Variants in RNASEH1 observed in about 807,000 individuals in gnomAD.
RNASEH1 encodes the protein ribonuclease H type II.
A neutral mutation model predicts 34.6 loss-of-function variants in RNASEH1; 27 were observed. The ratio of observed to expected loss-of-function variants is 0.78; its 90% confidence interval spans 0.58 to 1.08. RNASEH1 has a LOEUF of 1.08. Ranked by LOEUF, RNASEH1 falls within the 50% of genes least tolerant of loss-of-function variation. The probability of loss-of-function intolerance (pLI) is 0.00; values close to 1 mark genes in which losing one functional copy is unlikely to be tolerated. For missense variants in RNASEH1, 349 were observed against 373.6 expected (o/e 0.93, Z 0.54); for synonymous variants, 162 against 138.4 (o/e 1.17, Z -1.20).
the RNASEH1 span, among the ~76,000 whole-genome samples, chr2:3,532,599 G>A: frequency 6.6e-6 from 1 of 152,140 alleles, no homozygotes; most frequent in Non-Finnish European, 1.5e-5. Flanking sequence ...TCACTGCTCT[G>A]AATCCTGCAG....
intron 7 of RNASEH1, among the ~76,000 whole-genome samples, chr2:3,546,456 T>C (rs370843734): frequency 5.9e-5 from 9 of 152,236 alleles, no homozygotes; most frequent in African/African-American, 1.9e-4. Context: ...AAAAGTTCTA[T>C]TACCAAGGCT....
At position 3,545,754 on chromosome 2, in the gene RNASEH1, C is replaced by CA. The variant is rs770153053; in HGVS notation, c.*30dup. ...ACAGGCAGCAAGACAGCCGCTGGCTCAAGTTCTCCCAAGGACTAAAGTCAC... is the reference window on the plus strand; with the variant it reads ...ACAGGCAGCAAGACAGCCGCTGGCTCAAAGTTCTCCCAAGGACTAAAGTCAC... On this transcript the variant is annotated 3_prime_UTR_variant, in exon 8 of 8. Coordinates refer to ENST00000315212, the MANE Select transcript of RNASEH1 (RefSeq NM_002936.6). The CA allele has an allele frequency of 5.5e-5, 84 of 1,516,990 alleles. No individual in the cohort carries two copies. Among genetic ancestry groups the CA allele is most frequent in the Non-Finnish European group, 7.6e-5 (83 of 1,091,360 alleles). 94.0% of individuals were successfully genotyped at this position (1,516,990 alleles called of 1,614,324 possible). A position where few individuals can be genotyped will look rare whatever the true frequency, so the allele number is the denominator to read the frequency against.
chr2:3,554,589 T>C (rs1363293590), intron 2 of RNASEH1, among the ~76,000 whole-genome samples: 1 of 152,256 alleles, frequency 6.6e-6, no homozygotes, highest in Non-Finnish European at 1.5e-5. Context: ...TCTCAATTTA[T>C]AGACGTAAGT....
At chr2:3,552,103 T>C in intron 3 of RNASEH1, 41 bp downstream of exon 3, 1 of 1,556,840 alleles carries the variant, frequency 6.4e-7, no homozygotes, top group Non-Finnish European at 8.7e-7. Context: ...AACATTTTCC[T>C]GACTGTGGTA....
downstream of RNASEH1, among the ~76,000 whole-genome samples, chr2:3,539,135 T>C (rs1031779152): frequency 3.9e-5 from 6 of 152,246 alleles, no homozygotes; most frequent in African/African-American, 1.2e-4. Context: ...TTTTTGCTTA[T>C]GGCTCTTCAA....
chr2:3,543,378 G>A lies in RNASEH1; in HGVS notation c.*2407C>T, dbSNP rs533080553. ...AAGTTTTTCTTTTAAGACAGGTTTG[G>A]AGCAGAAGCTCTATAAATTGGGCCT... On this transcript the variant is annotated 3_prime_UTR_variant, in exon 8 of 8. Coordinates refer to ENST00000315212, the MANE Select transcript of RNASEH1 (RefSeq NM_002936.6). Among the ~76,000 whole-genome samples the A allele has an allele frequency of 6.6e-4, 101 of 152,252 alleles. No individual in the cohort carries two copies. Among genetic ancestry groups the A allele is most frequent in the African/African-American group, 2.3e-3 (96 of 41,546 alleles).
chr2:3,552,492 C>T (rs1398835599), intron 2 of RNASEH1, among the ~76,000 whole-genome samples, 184 bp from the exon 3 acceptor site: 1 of 141,282 alleles, frequency 7.1e-6, no homozygotes, highest in Non-Finnish European at 1.5e-5. Flanking sequence ...ACCCCCTCCA[C>T]GCCATCTCCA....
At chr2:3,554,140 G>GC (rs1285078008) in intron 2 of RNASEH1, among the ~76,000 whole-genome samples, 3 of 152,194 alleles carry the variant, frequency 2.0e-5, no homozygotes, top group Non-Finnish European at 4.4e-5. Context: ...AGGGCGCCGG[G>GC]CAACACTTGA....
At chr2:3,534,326 G>T in the RNASEH1 span, 2 of 151,886 alleles carry the variant, frequency 1.3e-5, no homozygotes, top group African/African-American at 4.9e-5. Flanking sequence ...AGCAGTGGAG[G>T]AGAAGAAACT....
At chr2:3,532,855 G>T in the RNASEH1 span, among the ~76,000 whole-genome samples, 14 of 152,282 alleles carry the variant, frequency 9.2e-5, no homozygotes, top group African/African-American at 3.1e-4. Context: ...TTTTCTAGCC[G>T]TACCCTGACA....
chr2:3,532,037 A>G, the RNASEH1 span: 1 of 561,322 alleles, frequency 1.8e-6, no homozygotes, highest in Non-Finnish European at 3.2e-6. Flanking sequence ...GCAAGAAGAC[A>G]AGACAGCAAG....
At chr2:3,548,787 C>T in intron 5 of RNASEH1, 63 bp from the exon 6 acceptor site, 1 of 1,216,474 alleles carries the variant, frequency 8.2e-7, no homozygotes, top group Non-Finnish European at 1.2e-6. Flanking sequence ...TACTAAAGTT[C>T]AAAAGTACTT....
chr2:3,542,839 T>A lies in RNASEH1; in HGVS notation c.*2946A>T, dbSNP rs1204994056. Among the ~76,000 whole-genome samples the A allele has an allele frequency of 2.0e-5, 3 of 152,182 alleles. No homozygotes were observed. Among genetic ancestry groups the A allele is most frequent in the Non-Finnish European group, 2.9e-5 (2 of 68,032 alleles). The stretch of plus-strand genomic sequence containing the variant: ...TGAATTTGTATTGGGAATATCAATA[T>A]AGGCTCAGAAAATATTCTTCCTTTA... On this transcript the variant is annotated 3_prime_UTR_variant, in exon 8 of 8. Transcript: ENST00000315212.
rs1293658634 is a variant in RNASEH1, at chr2:3,545,732, GGCA to G, written c.*50_*52del. The G allele has an allele frequency of 2.4e-6, 3 of 1,236,446 alleles. No homozygotes were observed. The highest frequency in any genetic ancestry group is 3.6e-6 in the Non-Finnish European group (3 of 835,328). 76.6% of individuals were successfully genotyped at this position (1,236,446 alleles called of 1,614,324 possible). On this transcript the variant is annotated 3_prime_UTR_variant, in exon 8 of 8. Transcript: ENST00000315212. The stretch of plus-strand genomic sequence containing the variant: ...GCTATTTTCCACACCAGTAAGTACA[GGCA>G]GCAAGACAGCCGCTGGCTCAAGTTC...
At chr2:3,535,008 T>C in the RNASEH1 span, among the ~76,000 whole-genome samples, 1 of 152,206 alleles carries the variant, frequency 6.6e-6, no homozygotes, top group Non-Finnish European at 1.5e-5. Flanking sequence ...GGGGAGTCCG[T>C]GTCCAACACG....
intron 3 of RNASEH1, 76 bp from the exon 4 acceptor site, chr2:3,550,548 C>T (rs971044566): frequency 1.4e-5 from 15 of 1,097,164 alleles, no homozygotes; most frequent in Admixed American, 3.4e-5. Context: ...TCCACTAGGT[C>T]GACTTAGCAT....
downstream of RNASEH1, among the ~76,000 whole-genome samples, chr2:3,537,369 C>T (rs148765193): frequency 1.1e-3 from 167 of 152,258 alleles, no homozygotes; most frequent in African/African-American, 3.6e-3. Context: ...GCAGACCTTT[C>T]GAATATTTTT....
chr2:3,545,024 C>T lies in RNASEH1; in HGVS notation c.*761G>A, dbSNP rs1370005451. On this transcript the variant is annotated 3_prime_UTR_variant, in exon 8 of 8. Coordinates refer to ENST00000315212, the MANE Select transcript of RNASEH1 (RefSeq NM_002936.6). ...TCCTGACCTCAAGTGATCTGCCCGC[C>T]TTGGCCTCCCAAAGTGCTAGGATTA... 1 of 151,268 alleles carries T rather than the reference C, an allele frequency of 6.6e-6. No homozygotes were observed. Among genetic ancestry groups the T allele is most frequent in the Non-Finnish European group, 1.5e-5 (1 of 67,980 alleles). 9.4% of individuals were successfully genotyped at this position (151,268 alleles called of 1,614,324 possible). A position where few individuals can be genotyped will look rare whatever the true frequency, so the allele number is the denominator to read the frequency against.
chr2:3,551,067 G>C (rs1659833289), intron 3 of RNASEH1, among the ~76,000 whole-genome samples: 1 of 152,262 alleles, frequency 6.6e-6, no homozygotes, highest in Non-Finnish European at 1.5e-5. Flanking sequence ...GGACACTTCA[G>C]TAGTGTGGTG....
Sources: gnomAD v4.1 joint callset for allele counts (sites outside exome capture counted in the v4.1 genomes callset) on GRCh38, gnomAD v4.1.1 for gene constraint, MANE v1.5 for transcripts, NCBI Gene and HGNC (gene_info 2026-07-23, HGNC 2026-07-21) for gene names.